The following CCNE1 variants were observed in gnomAD, a reference collection of about 807,000 sequenced individuals.
The protein encoded by CCNE1 is cyclin E1, also known as G1/S-specific cyclin-E1.
A neutral mutation model predicts 54.1 loss-of-function variants in CCNE1; 8 were observed. The observed-to-expected ratio is 0.15, with a 90% confidence interval of 0.09 to 0.27. CCNE1 has a LOEUF of 0.27. Among genes scored for constraint, CCNE1 ranks in the 10% least tolerant of loss-of-function variants. The probability of loss-of-function intolerance (pLI) is 1.00; values close to 1 mark genes in which losing one functional copy is unlikely to be tolerated. For synonymous variants in CCNE1, 179 were observed against 185.2 expected (o/e 0.97, Z 0.27); for missense variants, 430 against 514.9 (o/e 0.84, Z 1.60).
At chr19:29,818,026 A>ATTT (rs35607816) in intron 6 of CCNE1, among the ~76,000 whole-genome samples, 8 of 84,534 alleles carry the variant, frequency 9.5e-5, no homozygotes, top group East Asian at 8.7e-4. Flanking sequence ...CACGCCCAGT[A>ATTT]TTTTTTTTTT....
In CCNE1 at chr19:29,823,661, G is replaced by A. The variant is rs1568372322; in HGVS notation, c.1117G>A (p.Ala373Thr). The change falls in exon 12 of 12, where the codon GCC (alanine) becomes ACC (threonine). Residue 373 changes from alanine (A) to threonine (T), a missense_variant. Physicochemically the swap from Ala to Thr is moderately conservative, Grantham distance 58. Coordinates refer to ENST00000262643, the MANE Select transcript of CCNE1 (RefSeq NM_001238.4). ...CTTTTATTCTTACCAACAGGACAAA[G>A]CCCGAGCAAAGAAAGCCATGTTGTC... Reference protein sequence around the residue: ...HRDSLDLLDKARAKKAMLSEQ... With the variant: ...HRDSLDLLDKTRAKKAMLSEQ... 1 of 1,614,030 alleles carries A rather than the reference G, an allele frequency of 6.2e-7. No homozygotes were observed. The highest frequency in any genetic ancestry group is 2.2e-5 in the East Asian group (1 of 44,882).
chr19:29,817,227 A>G lies in CCNE1; in HGVS notation c.271A>G (p.Thr91Ala), dbSNP rs747414395. 8 of 1,614,188 alleles carry G rather than the reference A, an allele frequency of 5.0e-6. No homozygotes were observed. Among genetic ancestry groups the G allele is most frequent in the East Asian group, 4.5e-5 (2 of 44,880 alleles). ...EDDDRVYPNS[T>A]CKPRIIAPSR... ...TGATGACCGGGTTTACCCAAACTCA[A>G]CGTGCAAGCCTCGGATTATTGCACC... Residue 91 changes from threonine (T) to alanine (A), a missense_variant, in exon 5 of 12, where the codon ACG becomes GCG. By Grantham distance (58) the Thr-to-Ala change is moderately conservative. This residue lies in a region of CCNE1 where 303 missense variants were observed against 401.1 expected (regional missense o/e 0.76). Coordinates refer to ENST00000262643, the MANE Select transcript of CCNE1 (RefSeq NM_001238.4).
At chr19:29,817,676 G>T in intron 6 of CCNE1, 135 bp downstream of exon 6, 1 of 904,344 alleles carries the variant, frequency 1.1e-6, no homozygotes, top group Non-Finnish European at 1.7e-6. Flanking sequence ...TTTTTACTGT[G>T]GTGGTCTTTC....
intron 3 of CCNE1, 79 bp from the exon 4 acceptor site, chr19:29,812,873 AACGGAGCTCATAACCTG>A: frequency 6.3e-7 from 1 of 1,590,330 alleles, no homozygotes; most frequent in Non-Finnish European, 8.6e-7. Flanking sequence ...CTTGGGCAGG[AACGGAGCTCATAACCTG>A]ATCAGCTTTC....
In CCNE1 at chr19:29,823,831, C is replaced by G; in HGVS notation, c.*54C>G. Reference sequence around the variant, plus strand: ...TTGCGCGCCTGCTCCACGTTCTCTTCTGTCTGTTGCAGCGGAGGCGTGCGT... The same window carrying G: ...TTGCGCGCCTGCTCCACGTTCTCTTGTGTCTGTTGCAGCGGAGGCGTGCGT... On this transcript the variant is annotated 3_prime_UTR_variant, in exon 12 of 12. Coordinates refer to ENST00000262643, the MANE Select transcript of CCNE1 (RefSeq NM_001238.4). The G allele has an allele frequency of 6.5e-7, 1 of 1,538,376 alleles. No homozygotes were observed. Among genetic ancestry groups the G allele is most frequent in the Non-Finnish European group, 8.8e-7 (1 of 1,138,316 alleles).
intron 8 of CCNE1, 36 bp downstream of exon 8, chr19:29,821,853 T>C: frequency 6.5e-7 from 1 of 1,537,738 alleles, no homozygotes; most frequent in Non-Finnish European, 9.0e-7. Context: ...ATTTTTTAAA[T>C]GCGTACGGCA....
Position 29,812,559 on chromosome 19 carries a change from C to T in CCNE1, c.4C>T (p.Pro2Ser), listed in dbSNP as rs995865961. 5 of 1,507,714 alleles carry T rather than the reference C, an allele frequency of 3.3e-6. No homozygotes were observed. The African/African-American group carries it at 7.1e-5, about 21-fold the overall frequency. 93.4% of individuals were successfully genotyped at this position (1,507,714 alleles called of 1,614,324 possible). A position where few individuals can be genotyped will look rare whatever the true frequency, so the allele number is the denominator to read the frequency against. The change falls in exon 2 of 12, where the codon CCG becomes TCG. Residue 2 changes from proline to serine, a missense_variant. This residue lies in a region of CCNE1 where 127 missense variants were observed against 113.8 expected (regional missense o/e 1.12). Transcript: ENST00000262643. The part of the protein sequence containing the change: M[P>S]RERRERDAKE... The stretch of plus-strand genomic sequence containing the variant: ...CTCAGGCCGGAGCAGCCCCATCATG[C>T]CGAGGGAGCGCAGGGAGCGGTGAGT...
rs1422756780 is a variant in CCNE1 at position 29,817,223 on chromosome 19, C to T, written c.267C>T (p.Asn89=). ...DKEDDDRVYP[N]STCKPRIIAP... ...AAGATGATGACCGGGTTTACCCAAA[C>T]TCAACGTGCAAGCCTCGGATTATTG... is the stretch of plus-strand genomic sequence containing the variant. Residue 89 remains asparagine, a synonymous_variant, in exon 5 of 12, where the codon AAC becomes AAT. Coordinates refer to ENST00000262643, the MANE Select transcript of CCNE1 (RefSeq NM_001238.4). 1 of 1,614,120 alleles carries T rather than the reference C, an allele frequency of 6.2e-7. No homozygotes were observed. The highest frequency in any genetic ancestry group is 1.3e-5 in the African/African-American group (1 of 74,934).
intron 11 of CCNE1, among the ~76,000 whole-genome samples, 161 bp downstream of exon 11, chr19:29,822,764 T>C (rs1056585617): frequency 2.6e-5 from 4 of 151,924 alleles, no homozygotes; most frequent in African/African-American, 9.7e-5. Context: ...GCCAACATGG[T>C]GAAACCTTGT....
At position 29,821,976 on chromosome 19, in the gene CCNE1, TTC is replaced by T. The variant is rs761716212; in HGVS notation, c.706-14_706-13del. Reference sequence around the variant, plus strand: ...TTCTTTTCTCAATCATCGGTCTCTTTTCTCTCTGTTTTCCTTTAGGCCCTTAA... The same window carrying T: ...TTCTTTTCTCAATCATCGGTCTCTTTTCTCTGTTTTCCTTTAGGCCCTTAA... On this transcript the variant is annotated intron_variant, in intron 8 of 11. Coordinates refer to ENST00000262643, the MANE Select transcript of CCNE1 (RefSeq NM_001238.4). 1 of 1,601,168 alleles carries T rather than the reference TTC, an allele frequency of 6.2e-7. No individual in the cohort carries two copies. Among genetic ancestry groups the T allele is most frequent in the Non-Finnish European group, 8.5e-7 (1 of 1,172,824 alleles).
At chr19:29,815,869 AAAAT>A (rs1489636167) in intron 4 of CCNE1, among the ~76,000 whole-genome samples, 1 of 151,882 alleles carries the variant, frequency 6.6e-6, no homozygotes, top group African/African-American at 2.4e-5. Flanking sequence ...AAAAAAAAAA[AAAAT>A]GCCAGGTGCG....
At chr19:29,815,348 C>G (rs1208504059) in intron 4 of CCNE1, among the ~76,000 whole-genome samples, 2 of 152,204 alleles carry the variant, frequency 1.3e-5, no homozygotes, top group Non-Finnish European at 1.5e-5. Context: ...GGTACTAGAA[C>G]TGAAAGGAAG....
intron 11 of CCNE1, 33 bp from the exon 12 acceptor site, chr19:29,823,622 C>G (rs1974206068): frequency 1.9e-6 from 3 of 1,603,484 alleles, no homozygotes; most frequent in African/African-American, 2.7e-5. Context: ...ATGTTCTACT[C>G]TAATGTGTTG....
At chr19:29,813,186 C>T (rs1052087046) in intron 4 of CCNE1, 149 bp downstream of exon 4, 5 of 675,374 alleles carry the variant, frequency 7.4e-6, no homozygotes, top group South Asian at 7.4e-5. Context: ...AGCACTGTAC[C>T]TGTCAGTGGG....
chr19:29,813,133 G>A (rs949432800), intron 4 of CCNE1, 96 bp downstream of exon 4: 3 of 1,157,582 alleles, frequency 2.6e-6, no homozygotes, highest in African/African-American at 3.0e-5. Flanking sequence ...AGACACTCTG[G>A]TGAGAGTGAA....
In CCNE1 at chr19:29,817,412, A is replaced by G; in HGVS notation, c.333A>G (p.Ala111=). Residue 111 remains alanine (A), a synonymous_variant, in exon 6 of 12, where the codon GCA becomes GCG. Coordinates refer to ENST00000262643, the MANE Select transcript of CCNE1 (RefSeq NM_001238.4). ...GTTGTGTGTTTTGTTGTAGCTGGGCAAATAGAGAGGAAGTCTGGAAAATCA... is the reference window on the plus strand; with the variant it reads ...GTTGTGTGTTTTGTTGTAGCTGGGCGAATAGAGAGGAAGTCTGGAAAATCA... ...RGSPLPVLSW[A]NREEVWKIML... 1 of 1,614,160 alleles carries G rather than the reference A, an allele frequency of 6.2e-7. No homozygotes were observed. The highest frequency in any genetic ancestry group is 8.5e-7 in the Non-Finnish European group (1 of 1,180,032).
In CCNE1 at chr19:29,822,123, T is replaced by C; in HGVS notation, c.833T>C (p.Ile278Thr). The C allele has an allele frequency of 6.2e-7, 1 of 1,613,510 alleles. No homozygotes were observed. The highest frequency in any genetic ancestry group is 8.5e-7 in the Non-Finnish European group (1 of 1,179,790). The change falls in exon 9 of 12, where the codon ATT becomes ACT. Residue 278 changes from isoleucine (I) to threonine (T), a missense_variant. By Grantham distance (89) the Ile-to-Thr change is moderately conservative. Transcript: ENST00000262643. ...TATCCCCAGCAAATCTTTATACAGA[T>C]TGCAGAGGTAAGTGGCTCCATCACG... ...PQYPQQIFIQ[I>T]AELLDLCVLD...
intron 6 of CCNE1, 72 bp from the exon 7 acceptor site, chr19:29,820,630 T>C: frequency 9.2e-7 from 1 of 1,081,924 alleles, no homozygotes; most frequent in Admixed American, 2.5e-5. Context: ...CCAAAGTCAT[T>C]ACAAGTTTTT....
chr19:29,823,773 C>T lies in CCNE1; in HGVS notation c.1229C>T (p.Ala410Val), dbSNP rs141578348. The change falls in exon 12 of 12, where the codon GCG becomes GTG. Residue 410 changes from alanine to valine, a missense_variant. Physicochemically the swap from Ala to Val is moderately conservative, Grantham distance 64. Coordinates refer to ENST00000262643, the MANE Select transcript of CCNE1 (RefSeq NM_001238.4). ...GKKQSSGPEMA is the reference protein window; with the variant it reads ...GKKQSSGPEMV ...AAGCAGAGCAGCGGGCCGGAAATGG[C>T]GTGACCACCCCATCCTTCTCCACCA... 8.3e-5 allele frequency: 134 copies of T among 1,610,760 alleles called. No homozygotes were observed. The highest frequency in any genetic ancestry group is 1.7e-4 in the Middle Eastern group (1 of 5,994).
Sources: allele counts gnomAD v4.1 joint callset (sites outside exome capture counted in the v4.1 genomes callset), GRCh38; gene constraint gnomAD v4.1.1; regional missense constraint gnomAD v4.1.1; transcripts MANE v1.5; gene names NCBI Gene and HGNC (gene_info 2026-07-23, HGNC 2026-07-21).